The following LMBR1 variants were observed in gnomAD, a reference collection of about 807,000 sequenced individuals.
LMBR1 encodes limb development membrane protein 1.
In LMBR1, 52 loss-of-function variants were observed where a neutral mutation model predicts 73.9. That is an observed-to-expected ratio of 0.70 (90% CI 0.56 to 0.89). The LOEUF (loss-of-function observed/expected upper bound fraction) is 0.89. Among genes scored for constraint, LMBR1 ranks in the 40% least tolerant of loss-of-function variants. LMBR1 has a pLI of 0.00. For synonymous variants in LMBR1, 215 were observed against 209.4 expected (o/e 1.03, Z -0.23); for missense variants, 539 against 579.8 (o/e 0.93, Z 0.72).
At chr7:156,789,640 G>C (rs1036704633) in intron 5 of LMBR1, among the ~76,000 whole-genome samples, 3 of 152,164 alleles carry the variant, frequency 2.0e-5, no homozygotes, top group African/African-American at 7.2e-5. Flanking sequence ...ATAAATATGA[G>C]CTTAAGTGCC....
chr7:156,714,300 A>G (rs1812726939), intron 15 of LMBR1, among the ~76,000 whole-genome samples: 1 of 152,228 alleles, frequency 6.6e-6, no homozygotes, highest in Non-Finnish European at 1.5e-5. Flanking sequence ...TGCACGGGAG[A>G]TACCTCATGG....
rs993615171 is a variant in LMBR1, at chr7:156,839,856, C to T, written c.67-2971G>A. On this transcript the variant is annotated intron_variant, in intron 1 of 16. Transcript: ENST00000353442. ...AGACAAGAAAATGTCAACAGCATCG[C>T]TACCTTCTCCCAAAATTATCTGGAG... is the stretch of plus-strand genomic sequence containing the variant. 1.3e-5 allele frequency among the ~76,000 whole-genome samples: 2 copies of T among 152,218 alleles called. 1 individual carries two copies. Among genetic ancestry groups the T allele is most frequent in the South Asian group, 4.1e-4 (2 of 4,834 alleles).
At chr7:156,788,025 T>C (rs1285544762) in intron 5 of LMBR1, among the ~76,000 whole-genome samples, 1 of 152,208 alleles carries the variant, frequency 6.6e-6, no homozygotes, top group Non-Finnish European at 1.5e-5. Flanking sequence ...CCACCTGCCT[T>C]GGCCTCCCAA....
At position 156,681,206 on chromosome 7, in the gene LMBR1, T is replaced by G. The variant is rs1156665566; in HGVS notation, c.*2872A>C. ...TGTCCCTGGCAGACGAGGTCATCAC[T>G]GAGGCTGCAGGGAGGGCCATGGGCA... On this transcript the variant is annotated 3_prime_UTR_variant, in exon 17 of 17. Coordinates refer to ENST00000353442, the MANE Select transcript of LMBR1 (RefSeq NM_022458.4). The G allele has an allele frequency of 2.2e-6, 1 of 453,022 alleles. No individual in the cohort carries two copies. The highest frequency in any genetic ancestry group is 4.4e-6 in the Non-Finnish European group (1 of 225,980). 28.1% of individuals were successfully genotyped at this position (453,022 alleles called of 1,614,324 possible). A position where few individuals can be genotyped will look rare whatever the true frequency, so the allele number is the denominator to read the frequency against.
chr7:156,755,168 T>C (rs976655365), intron 9 of LMBR1, among the ~76,000 whole-genome samples: 5 of 152,270 alleles, frequency 3.3e-5, no homozygotes, highest in Non-Finnish European at 5.9e-5. Context: ...TTACTGATTT[T>C]GGCTTGGCTT....
At chr7:156,700,369 A>C (rs1358695284) in intron 15 of LMBR1, among the ~76,000 whole-genome samples, 2 of 149,420 alleles carry the variant, frequency 1.3e-5, no homozygotes, top group African/African-American at 5.0e-5. Flanking sequence ...AGGAATGGGA[A>C]CATCACTCAC....
intron 1 of LMBR1, among the ~76,000 whole-genome samples, chr7:156,876,789 A>G (rs1475565563): frequency 6.6e-6 from 1 of 152,192 alleles, no homozygotes; most frequent in Non-Finnish European, 1.5e-5. Context: ...TAGTGACACA[A>G]CCTATCAAAA....
intron 1 of LMBR1, among the ~76,000 whole-genome samples, chr7:156,850,191 G>A (rs919138936): frequency 6.6e-6 from 1 of 152,190 alleles, no homozygotes; most frequent in South Asian, 2.1e-4. Context: ...GTTACGGTGA[G>A]AGCAGGTTTG....
At chr7:156,676,652 T>C (rs772454818), downstream of LMBR1, 8 of 1,611,708 alleles carry the variant, frequency 5.0e-6, no homozygotes, top group African/African-American at 5.3e-5. Flanking sequence ...TTCTTGAATG[T>C]TGAATTCATA....
chr7:156,715,465 C>CT (rs1813012728), intron 15 of LMBR1, among the ~76,000 whole-genome samples: 2 of 152,236 alleles, frequency 1.3e-5, no homozygotes, highest in Non-Finnish European at 2.9e-5. Flanking sequence ...TTTAGTTACT[C>CT]TTTTTTCTTT....
chr7:156,670,051 T>C lies in LMBR1; in HGVS notation n.867-764A>G, dbSNP rs113246555. Among the ~76,000 whole-genome samples the C allele has an allele frequency of 4.4e-3, 677 of 152,354 alleles. 3 individuals are homozygous for C. The highest frequency in any genetic ancestry group is 0.024 in the Middle Eastern group (7 of 294). The stretch of plus-strand genomic sequence containing the variant: ...CATGTAGTTTTTTTTATTTGCTGTT[T>C]ATTTAATGTTATTCTAAGAAAAAAT... On this transcript the variant is annotated intron_variant and non_coding_transcript_variant, in intron 4 of 4. Coordinates refer to the LMBR1 transcript ENST00000430825. This position sits in a 1 kb window ranked among gnomAD's most constrained non-coding sequence, Gnocchi z 4.3.
chr7:156,870,523 T>C (rs570166359), intron 1 of LMBR1, among the ~76,000 whole-genome samples: 1 of 152,256 alleles, frequency 6.6e-6, no homozygotes, highest in Non-Finnish European at 1.5e-5. Flanking sequence ...CCCAGCACTT[T>C]GGGAGGCCAG....
intron 8 of LMBR1, among the ~76,000 whole-genome samples, chr7:156,757,090 A>G (rs1822032469): frequency 6.6e-6 from 1 of 152,344 alleles, no homozygotes; most frequent in East Asian, 1.9e-4. Context: ...TGCTGGGATT[A>G]TAGAAGTGAG....
chr7:156,840,964 CAAAAAAAAAAAAA>C (rs57968006), intron 1 of LMBR1, among the ~76,000 whole-genome samples: 1 of 71,436 alleles, frequency 1.4e-5, no homozygotes, highest in African/African-American at 4.8e-5. Flanking sequence ...GACTCGGTCT[CAAAAAAAAAAAAA>C]AAAAAAAGAA....
intron 4 of LMBR1, among the ~76,000 whole-genome samples, chr7:156,812,964 A>G (rs1375860581): frequency 6.6e-6 from 1 of 152,028 alleles, no homozygotes; most frequent in African/African-American, 2.4e-5. Flanking sequence ...TCTGGGGATT[A>G]TTGTCCTTCT....
At position 156,811,271 on chromosome 7, in the gene LMBR1, G is replaced by A. The variant is rs1453311543; in HGVS notation, c.320-14779C>T. ...TTTTACATCTTTTACATCTCAGTAT[G>A]TTCAACATTTCCTCTAAGTTTCTGG... is the stretch of plus-strand genomic sequence containing the variant. On this transcript the variant is annotated intron_variant, in intron 4 of 16. Coordinates refer to ENST00000353442, the MANE Select transcript of LMBR1 (RefSeq NM_022458.4). Among the ~76,000 whole-genome samples the A allele has an allele frequency of 2.6e-5, 4 of 151,846 alleles. 1 individual carries two copies. The highest frequency in any genetic ancestry group is 5.9e-5 in the Non-Finnish European group (4 of 67,988).
intron 15 of LMBR1, among the ~76,000 whole-genome samples, chr7:156,706,926 C>A (rs1261059282): frequency 1.3e-5 from 2 of 148,318 alleles, no homozygotes; most frequent in African/African-American, 4.9e-5. Context: ...AAAAACAGTA[C>A]AAAGGATCAG....
At chr7:156,774,900 G>A (rs1022054626) in intron 5 of LMBR1, among the ~76,000 whole-genome samples, 6 of 152,160 alleles carry the variant, frequency 3.9e-5, no homozygotes, top group African/African-American at 7.2e-5. Context: ...TGTCCTAAGC[G>A]AACTAATGCA....
At chr7:156,874,165 G>A (rs1207327849) in intron 1 of LMBR1, among the ~76,000 whole-genome samples, 1 of 152,260 alleles carries the variant, frequency 6.6e-6, no homozygotes, top group Non-Finnish European at 1.5e-5. Flanking sequence ...AGGCAGCTAA[G>A]GCCGGACAAG....
Sources: gnomAD v4.1 joint callset for allele counts (sites outside exome capture counted in the v4.1 genomes callset) on GRCh38, gnomAD v4.1.1 for gene constraint, Gnocchi (gnomAD v3.1) non-coding constraint, MANE v1.5 for transcripts, NCBI Gene and HGNC (gene_info 2026-07-23, HGNC 2026-07-21) for gene names.